The following SLC16A10 variants were observed in gnomAD, a reference collection of about 807,000 sequenced individuals.
SLC16A10 encodes monocarboxylate transporter 10.
Under a neutral mutation model 40.0 loss-of-function variants are expected in SLC16A10, and 27 were observed. That is an observed-to-expected ratio of 0.67 (90% CI 0.50 to 0.93). SLC16A10 has a LOEUF of 0.93. Ranked by LOEUF, SLC16A10 falls within the 40% of genes least tolerant of loss-of-function variation. SLC16A10 has a pLI of 0.00. For synonymous variants in SLC16A10, 213 were observed against 249.8 expected (o/e 0.85, Z 1.39); for missense variants, 529 against 658.2 (o/e 0.80, Z 2.15).
chr6:111,106,286 T>C (rs1045044369), intron 1 of SLC16A10, among the ~76,000 whole-genome samples: 1 of 152,238 alleles, frequency 6.6e-6, no homozygotes, highest in African/African-American at 2.4e-5. Context: ...AAGTTTTTGA[T>C]ATTGACTTCA....
chr6:111,087,636 C>T lies in SLC16A10; in HGVS notation c.-117C>T. On this transcript the variant is annotated 5_prime_UTR_variant, in exon 1 of 6. Coordinates refer to ENST00000368851, the MANE Select transcript of SLC16A10 (RefSeq NM_018593.5). ...CCAGCCCGCCCGCCCGCCAGGGGCT[C>T]CGCCGCCCTCGCCTCGGCCTCGTTA... 1.8e-6 allele frequency: 1 copy of T among 548,692 alleles called. No individual in the cohort carries two copies. The highest frequency in any genetic ancestry group is 2.6e-6 in the Non-Finnish European group (1 of 384,088). 34.0% of individuals were successfully genotyped at this position (548,692 alleles called of 1,614,324 possible). A position where few individuals can be genotyped will look rare whatever the true frequency, so the allele number is the denominator to read the frequency against.
chr6:111,213,940 A>C (rs1773383020), intron 4 of SLC16A10, among the ~76,000 whole-genome samples: 1 of 152,240 alleles, frequency 6.6e-6, no homozygotes, highest in South Asian at 2.1e-4. Context: ...TAGGAACGTC[A>C]ATTACATGTC....
chr6:111,165,181 T>C (rs1772449361), intron 1 of SLC16A10, among the ~76,000 whole-genome samples: 1 of 152,166 alleles, frequency 6.6e-6, no homozygotes, highest in African/African-American at 2.4e-5. Flanking sequence ...GCCTAATAAA[T>C]AGTTATAGCT....
chr6:111,143,070 G>C (rs758639755), intron 1 of SLC16A10, among the ~76,000 whole-genome samples: 13 of 152,110 alleles, frequency 8.5e-5, no homozygotes, highest in Non-Finnish European at 1.5e-4. Flanking sequence ...AAAAGACATG[G>C]AGGAACCTTT....
intron 1 of SLC16A10, among the ~76,000 whole-genome samples, chr6:111,113,137 A>G (rs1771420059): frequency 6.6e-6 from 1 of 152,226 alleles, no homozygotes; most frequent in South Asian, 2.1e-4. Flanking sequence ...TAATTTAGGA[A>G]TTCTACTTAG....
Position 111,219,044 on chromosome 6 carries a change from T to C in SLC16A10, c.1315+2T>C, listed in dbSNP as rs1454687143. On this transcript the variant is annotated splice_donor_variant, in intron 5 of 5. Transcript: ENST00000368851. LOFTEE classifies it high-confidence loss of function. ...TGACTGTTGGCCCACCCATTGCAGG[T>C]AAATATAATGATTCTCCAGTAGTTA... 1 of 1,610,952 alleles carries C rather than the reference T, an allele frequency of 6.2e-7. No individual in the cohort carries two copies. Among genetic ancestry groups the C allele is most frequent in the Non-Finnish European group, 8.5e-7 (1 of 1,177,132 alleles).
rs1771077889 is a variant in SLC16A10 at position 111,229,986 on chromosome 6, G to GTTTTTTTTTTTTTTTTTTTTTTTTTTT, written c.*7754_*7755insTTTTTTTTTTTTTTTTTTTTTTTTTTT. ...ATGACAGGTTTCTTTTTCTTTCTTT[G>GTTTTTTTTTTTTTTTTTTTTTTTTTTT]TTTCTTTTTTTTTTTTTTTTTTGAG... On this transcript the variant is annotated 3_prime_UTR_variant, in exon 6 of 6. Transcript: ENST00000368851. 4.2e-5 allele frequency: 1 copy of GTTTTTTTTTTTTTTTTTTTTTTTTTTT among 23,634 alleles called. No homozygotes were observed. The highest frequency in any genetic ancestry group is 1.7e-4 in the African/African-American group (1 of 5,736). 1.5% of individuals were successfully genotyped at this position (23,634 alleles called of 1,614,324 possible). A position where few individuals can be genotyped will look rare whatever the true frequency, so the allele number is the denominator to read the frequency against.
At chr6:111,212,093 G>T (rs1562435048) in intron 4 of SLC16A10, among the ~76,000 whole-genome samples, 1 of 152,164 alleles carries the variant, frequency 6.6e-6, no homozygotes, top group Admixed American at 6.5e-5. Flanking sequence ...CCTCCCGCAT[G>T]GTCTAGTTTC....
chr6:111,098,772 C>A (rs887794004), intron 1 of SLC16A10, among the ~76,000 whole-genome samples: 2 of 152,154 alleles, frequency 1.3e-5, no homozygotes, highest in Non-Finnish European at 2.9e-5. Context: ...GTTTAAACAA[C>A]GACATTCCAC....
At chr6:111,176,425 T>C (rs781489886) in intron 2 of SLC16A10, among the ~76,000 whole-genome samples, 7 of 152,236 alleles carry the variant, frequency 4.6e-5, no homozygotes, top group Non-Finnish European at 7.3e-5. Flanking sequence ...GATATGATCC[T>C]TTATCTTCCT....
In SLC16A10 at chr6:111,154,090, A is replaced by G. The variant is rs1191722733; in HGVS notation, c.344-18605A>G. Among the ~76,000 whole-genome samples, 4 of 152,342 alleles carry G rather than the reference A, an allele frequency of 2.6e-5. No homozygotes were observed. In the South Asian group the frequency reaches 6.2e-4, roughly 24 times the overall value. On this transcript the variant is annotated intron_variant, in intron 1 of 5. Coordinates refer to ENST00000368851, the MANE Select transcript of SLC16A10 (RefSeq NM_018593.5). Reference sequence around the variant, plus strand: ...AGAAAATGATAATATTCAGGTTAAGAACAGTTTATTATTTCCTCTCTATAT... The same window carrying G: ...AGAAAATGATAATATTCAGGTTAAGGACAGTTTATTATTTCCTCTCTATAT...
intron 1 of SLC16A10, among the ~76,000 whole-genome samples, chr6:111,108,938 A>C (rs1202288745): frequency 6.6e-6 from 1 of 152,338 alleles, no homozygotes; most frequent in African/African-American, 2.4e-5. Context: ...ACACAATACT[A>C]TATATGGGAT....
intron 3 of SLC16A10, among the ~76,000 whole-genome samples, chr6:111,203,363 G>A (rs776923044): frequency 6.6e-5 from 10 of 152,172 alleles, no homozygotes; most frequent in Non-Finnish European, 1.2e-4. Context: ...ATTTTGGTGG[G>A]AATAGGGAGG....
intron 1 of SLC16A10, among the ~76,000 whole-genome samples, chr6:111,108,182 G>T (rs1771318505): frequency 6.6e-6 from 1 of 152,030 alleles, no homozygotes; most frequent in Non-Finnish European, 1.5e-5. Context: ...ACCATGTCCA[G>T]CTATTTTTTG....
At chr6:111,101,115 C>T (rs139908889) in intron 1 of SLC16A10, among the ~76,000 whole-genome samples, 14,885 of 151,010 alleles carry the variant, frequency 0.099, 859 homozygotes, top group Non-Finnish European at 0.14. Context: ...ACTGCAGCCT[C>T]GACCTCCTGG....
intron 4 of SLC16A10, among the ~76,000 whole-genome samples, chr6:111,213,457 C>T (rs933211845): frequency 1.1e-4 from 16 of 152,266 alleles, no homozygotes; most frequent in South Asian, 1.0e-3. Flanking sequence ...CTTCCTCTTC[C>T]GGTTCAGGTA....
At chr6:111,136,616 C>A (rs1216931445) in intron 1 of SLC16A10, among the ~76,000 whole-genome samples, 2 of 152,204 alleles carry the variant, frequency 1.3e-5, no homozygotes, top group Non-Finnish European at 2.9e-5. Context: ...AAAGATAGAA[C>A]AGAACTGTCA....
At chr6:111,220,077 A>G (rs755432166) in intron 5 of SLC16A10, among the ~76,000 whole-genome samples, 2 of 152,296 alleles carry the variant, frequency 1.3e-5, no homozygotes, top group Non-Finnish European at 2.9e-5. Context: ...ACAGAGTGAG[A>G]CCCTGTCTCA....
chr6:111,206,485 T>C, intron 3 of SLC16A10, 107 bp from the exon 4 acceptor site: 1 of 1,171,680 alleles, frequency 8.5e-7, no homozygotes, highest in Non-Finnish European at 1.2e-6. Context: ...TGGAAAAAGT[T>C]GCAAGCCCAT....
Sources: allele counts gnomAD v4.1 joint callset (sites outside exome capture counted in the v4.1 genomes callset), GRCh38; gene constraint gnomAD v4.1.1; transcripts MANE v1.5; gene names NCBI Gene and HGNC (gene_info 2026-07-23, HGNC 2026-07-21).